Variants in ECPAS observed in about 807,000 individuals in gnomAD.
ECPAS encodes Ecm29 proteasome adaptor and scaffold, also known as proteasome adapter and scaffold protein ECM29.
ECPAS carries 70 observed loss-of-function variants against 255.1 expected under a neutral mutation model. The ratio of observed to expected loss-of-function variants is 0.27; its 90% CI spans 0.23 to 0.33. ECPAS has a LOEUF of 0.33. Among genes scored for constraint, ECPAS ranks in the 10% least tolerant of loss-of-function variants. ECPAS has a pLI of 1.00. For synonymous variants in ECPAS, 784 were observed against 775.0 expected (o/e 1.01, Z -0.19); for missense variants, 1,817 against 2,206.4 (o/e 0.82, Z 3.54).
At chr9:111,473,275 T>C (rs899209665) in intron 1 of ECPAS, among the ~76,000 whole-genome samples, 1 of 152,216 alleles carries the variant, frequency 6.6e-6, no homozygotes, top group Non-Finnish European at 1.5e-5. Context: ...CAATGCAACA[T>C]ATTTTATCAT....
At position 111,431,560 on chromosome 9, in the gene ECPAS, A is replaced by G. The variant is rs1405465679; in HGVS notation, c.849-932T>C. On this transcript the variant is annotated intron_variant, in intron 8 of 49. Coordinates refer to ENST00000684092, the MANE Select transcript of ECPAS (RefSeq NM_001364929.1). ...GTGACAGAGCTAGACTCTGTCTCAG[A>G]AAAAAAAAAAAAAAAAAGATGATTG... Among the ~76,000 whole-genome samples, 11 of 139,252 alleles carry G rather than the reference A, an allele frequency of 7.9e-5. No individual in the cohort carries two copies. In the East Asian group the frequency reaches 1.0e-3, roughly 13 times the overall value. 91.4% of individuals were successfully genotyped at this position (139,252 alleles called of 152,430 possible).
chr9:111,461,590 T>C (rs1447765968), intron 2 of ECPAS, among the ~76,000 whole-genome samples: 1 of 152,156 alleles, frequency 6.6e-6, no homozygotes, highest in Non-Finnish European at 1.5e-5. Context: ...AGTCACCTGG[T>C]TTAAACAGAG....
chr9:111,484,041 T>G, intron 1 of ECPAS, 75 bp downstream of exon 1: 1 of 1,073,288 alleles, frequency 9.3e-7, no homozygotes, highest in Non-Finnish European at 1.1e-6. Context: ...CGGCGGCCTG[T>G]GCGGGCGGCC....
At chr9:111,427,687 CA>C (rs1205489048) in intron 10 of ECPAS, among the ~76,000 whole-genome samples, 2 of 152,084 alleles carry the variant, frequency 1.3e-5, no homozygotes, top group African/African-American at 4.8e-5. Context: ...GTAATTTATA[CA>C]ATATTTTAAA....
At chr9:111,368,079 C>T (rs1056798919) in intron 46 of ECPAS, among the ~76,000 whole-genome samples, 1 of 151,780 alleles carries the variant, frequency 6.6e-6, no homozygotes, top group African/African-American at 2.4e-5. Context: ...AGATCTTCAG[C>T]AGGATGCACT....
intron 23 of ECPAS, 90 bp from the exon 24 acceptor site, chr9:111,408,762 C>T (rs1424135940): frequency 1.7e-5 from 12 of 697,226 alleles, no homozygotes; most frequent in Middle Eastern, 5.1e-4. Flanking sequence ...GACAGGGAAG[C>T]GCAGTCTATC....
intron 24 of ECPAS, among the ~76,000 whole-genome samples, chr9:111,404,579 C>G (rs1237493558): frequency 6.7e-6 from 1 of 149,050 alleles, no homozygotes; most frequent in Non-Finnish European, 1.5e-5. Context: ...TGTTATTTTT[C>G]TCCTGCTCCT....
intron 10 of ECPAS, among the ~76,000 whole-genome samples, 163 bp downstream of exon 10, chr9:111,427,879 T>A (rs10980895): frequency 0.69 from 104,996 of 151,926 alleles, 36,756 homozygotes; most frequent in African/African-American, 0.79. Flanking sequence ...ATAATTTTTT[T>A]AAAATCATAT....
At position 111,363,599 on chromosome 9, in the gene ECPAS, T is replaced by C. The variant is rs766830260; in HGVS notation, c.5369A>G (p.Lys1790Arg). 4 of 1,578,198 alleles carry C rather than the reference T, an allele frequency of 2.5e-6. No homozygotes were observed. The African/African-American group carries it at 4.1e-5, about 16-fold the overall frequency. Residue 1790 changes from lysine (K) to arginine (R), a missense_variant, in exon 49 of 50, where the codon AAA (lysine) becomes AGA (arginine). Physicochemically the swap from Lys to Arg is conservative, Grantham distance 26. Around this residue, in one of 4 missense-constraint regions of ECPAS, gnomAD observed 960 missense variants for 1,179.0 expected, o/e 0.81. Coordinates refer to ENST00000684092, the MANE Select transcript of ECPAS (RefSeq NM_001364929.1). ...TAACAACAACTTACCTTCAAGTTTTTTAAGCAGCAATTCTATCACAGATAA... is the reference window on the plus strand; with the variant it reads ...TAACAACAACTTACCTTCAAGTTTTCTAAGCAGCAATTCTATCACAGATAA... ...EALSVIELLL[K>R]KLEESKQWEC...
chr9:111,425,952 A>G, intron 10 of ECPAS, 124 bp from the exon 11 acceptor site: 1 of 534,590 alleles, frequency 1.9e-6, no homozygotes, highest in Non-Finnish European at 3.3e-6. Context: ...ATTAATGCAG[A>G]TACACATTAT....
chr9:111,439,951 G>A (rs2098243527), intron 6 of ECPAS, among the ~76,000 whole-genome samples: 1 of 152,064 alleles, frequency 6.6e-6, no homozygotes. Context: ...ACAAAGAAGA[G>A]AAAAGCTGGA....
intron 2 of ECPAS, among the ~76,000 whole-genome samples, chr9:111,459,564 C>A (rs2098270800): frequency 6.6e-6 from 1 of 151,972 alleles, no homozygotes; most frequent in Non-Finnish European, 1.5e-5. Flanking sequence ...TGTTAATAAC[C>A]CCATTTACTA....
At chr9:111,457,447 C>T (rs544245519) in intron 2 of ECPAS, among the ~76,000 whole-genome samples, 2 of 152,250 alleles carry the variant, frequency 1.3e-5, no homozygotes, top group East Asian at 3.9e-4. Flanking sequence ...AGCACAAGGT[C>T]TGAGGAATTA....
At chr9:111,446,362 G>C (rs1433989184) in intron 3 of ECPAS, among the ~76,000 whole-genome samples, 1 of 152,126 alleles carries the variant, frequency 6.6e-6, no homozygotes, top group Non-Finnish European at 1.5e-5. Flanking sequence ...AAGATTTTTA[G>C]AAGGCCTTGC....
intron 1 of ECPAS, among the ~76,000 whole-genome samples, chr9:111,480,420 C>A (rs2098303009): frequency 6.6e-6 from 1 of 151,242 alleles, no homozygotes; most frequent in Non-Finnish European, 1.5e-5. Flanking sequence ...GCCTCAGCCT[C>A]CTGAGTACCT....
Position 111,401,056 on chromosome 9 carries a change from G to A in ECPAS, c.2653-3903C>T, listed in dbSNP as rs537499758. Among the ~76,000 whole-genome samples the A allele has an allele frequency of 5.9e-5, 9 of 152,286 alleles. 1 individual carries two copies. Among genetic ancestry groups the A allele is most frequent in the African/African-American group, 1.2e-4 (5 of 41,558 alleles). On this transcript the variant is annotated intron_variant, in intron 24 of 49. Transcript: ENST00000684092. The stretch of plus-strand genomic sequence containing the variant: ...GTAAGATATAAAGGAGCTCTGATAC[G>A]TCTGGTGACAGAAACCTTACAGGCC...
chr9:111,472,556 T>C (rs1474696590), intron 2 of ECPAS, among the ~76,000 whole-genome samples: 1 of 151,688 alleles, frequency 6.6e-6, no homozygotes, highest in African/African-American at 2.4e-5. Flanking sequence ...GGAGGATCAC[T>C]TGAGCCTTGG....
chr9:111,474,609 T>C (rs1172380187), intron 1 of ECPAS, among the ~76,000 whole-genome samples: 2 of 152,148 alleles, frequency 1.3e-5, no homozygotes, highest in Non-Finnish European at 2.9e-5. Context: ...GCTCTGATGG[T>C]TCTCTACTGT....
chr9:111,380,162 C>A, intron 35 of ECPAS, among the ~76,000 whole-genome samples: 1 of 152,218 alleles, frequency 6.6e-6, no homozygotes, highest in East Asian at 1.9e-4. Context: ...GTTGAAATTA[C>A]ACCTTGATCC....
Sources: gnomAD v4.1 joint callset for allele counts (sites outside exome capture counted in the v4.1 genomes callset) on GRCh38, gnomAD v4.1.1 for gene constraint, gnomAD v4.1.1 regional missense constraint, MANE v1.5 for transcripts, NCBI Gene and HGNC (gene_info 2026-07-23, HGNC 2026-07-21) for gene names.